CYB5R4: variants seen among roughly 807,000 people sequenced by gnomAD.
CYB5R4 encodes the protein N-terminal cytochrome b5 and cytochrome b5 oxidoreductase domain-containing protein.
In CYB5R4, 55 loss-of-function variants were observed where a neutral mutation model predicts 70.2. The ratio of observed to expected loss-of-function variants is 0.78; its 90% confidence interval spans 0.63 to 0.98. CYB5R4 has a LOEUF of 0.98. Ranked by LOEUF, CYB5R4 falls within the 50% of genes least tolerant of loss-of-function variation. The probability of loss-of-function intolerance (pLI) is 0.00; values close to 1 mark genes in which losing one functional copy is unlikely to be tolerated. For missense variants in CYB5R4, 562 were observed against 612.6 expected, an observed-to-expected ratio of 0.92 and a Z score of 0.87; for synonymous variants, 197 against 199.5, an observed-to-expected ratio of 0.99 and a Z score of 0.11.
At chr6:83,881,457 A>G (rs528431006) in intron 2 of CYB5R4, among the ~76,000 whole-genome samples, 1 of 152,332 alleles carries the variant, frequency 6.6e-6, no homozygotes, top group Admixed American at 6.5e-5. Flanking sequence ...ATTACCAGGC[A>G]TGAGCCACAA....
intron 4 of CYB5R4, among the ~76,000 whole-genome samples, chr6:83,911,581 A>C (rs574099099): frequency 5.3e-5 from 8 of 152,042 alleles, no homozygotes; most frequent in African/African-American, 1.9e-4. Flanking sequence ...TTTTTCCTAG[A>C]ATGCTTTTCT....
At chr6:83,873,110 T>C (rs559277378) in intron 2 of CYB5R4, among the ~76,000 whole-genome samples, 11 of 152,334 alleles carry the variant, frequency 7.2e-5, no homozygotes, top group African/African-American at 2.4e-4. Flanking sequence ...TTAGCATTTG[T>C]GTGTGTTTCT....
At chr6:83,954,664 CTAG>C (rs1484630704) in intron 14 of CYB5R4, among the ~76,000 whole-genome samples, 1 of 151,936 alleles carries the variant, frequency 6.6e-6, no homozygotes, top group Non-Finnish European at 1.5e-5. Flanking sequence ...TTTTTCAATA[CTAG>C]TAGATTATTA....
intron 3 of CYB5R4, among the ~76,000 whole-genome samples, chr6:83,904,561 A>G (rs2099463480): frequency 6.6e-6 from 1 of 152,236 alleles, no homozygotes; most frequent in Non-Finnish European, 1.5e-5. Flanking sequence ...TCTGAAGTCC[A>G]GTTTAAATCC....
At chr6:83,875,113 G>C (rs2099458319) in intron 2 of CYB5R4, among the ~76,000 whole-genome samples, 1 of 152,084 alleles carries the variant, frequency 6.6e-6, no homozygotes, top group South Asian at 2.1e-4. Context: ...GAGCCACTGT[G>C]CCCGGCCGTC....
intron 14 of CYB5R4, among the ~76,000 whole-genome samples, chr6:83,945,295 A>T (rs2099470397): frequency 6.6e-6 from 1 of 152,268 alleles, no homozygotes; most frequent in Non-Finnish European, 1.5e-5. Flanking sequence ...CTACGTGGAA[A>T]CTGAACAACC....
At chr6:83,910,517 G>A (rs1028304164) in intron 4 of CYB5R4, among the ~76,000 whole-genome samples, 2 of 152,180 alleles carry the variant, frequency 1.3e-5, no homozygotes, top group African/African-American at 4.8e-5. Flanking sequence ...AAAATGGGAG[G>A]TAGAAGTAAG....
intron 1 of CYB5R4, among the ~76,000 whole-genome samples, chr6:83,861,854 G>T (rs887785940): frequency 6.6e-6 from 1 of 152,102 alleles, no homozygotes; most frequent in African/African-American, 2.4e-5. Context: ...GAAGTATTTT[G>T]GTCTTTATTT....
At chr6:83,884,788 G>T (rs1393039526) in intron 2 of CYB5R4, among the ~76,000 whole-genome samples, 1 of 152,124 alleles carries the variant, frequency 6.6e-6, no homozygotes, top group Non-Finnish European at 1.5e-5. Flanking sequence ...ATAATTGCAA[G>T]AATGCTACAG....
chr6:83,870,495 A>C (rs1193327710), intron 2 of CYB5R4, among the ~76,000 whole-genome samples: 3 of 150,474 alleles, frequency 2.0e-5, no homozygotes, highest in Non-Finnish European at 4.4e-5. Context: ...TTCTGTTTTC[A>C]GAAACTGCAG....
In CYB5R4 at chr6:83,924,700, T is replaced by C. The variant is rs1027460835; in HGVS notation, c.814+108T>C. ...TGCTTTGAAATGAGCTGAAGGGTCC[T>C]TGTATCTACTGCTAGGAAGTTTGAA... On this transcript the variant is annotated intron_variant, in intron 10 of 15. Transcript: ENST00000369681. The C allele has an allele frequency of 8.0e-6, 9 of 1,131,602 alleles. No individual in the cohort carries two copies. In the African/African-American group the frequency reaches 1.4e-4, roughly 18 times the overall value. The allele number at this position is 1,131,602 out of a possible 1,614,324, so 70.1% of individuals were successfully genotyped here.
chr6:83,885,522 A>G lies in CYB5R4; in HGVS notation c.230-8000A>G, dbSNP rs2099460115. On this transcript the variant is annotated intron_variant, in intron 2 of 15. Coordinates refer to ENST00000369681, the MANE Select transcript of CYB5R4 (RefSeq NM_016230.4). ...TGGTGAGCCGTTATGGTTCACATGTATGGTTACCTAACCTGAAAATTTGTG... is the reference window on the plus strand; with the variant it reads ...TGGTGAGCCGTTATGGTTCACATGTGTGGTTACCTAACCTGAAAATTTGTG... Among the ~76,000 whole-genome samples, 2 of 152,220 alleles carry G rather than the reference A, an allele frequency of 1.3e-5. 1 individual carries two copies. Among genetic ancestry groups the G allele is most frequent in the South Asian group, 4.1e-4 (2 of 4,830 alleles).
At chr6:83,919,699 T>A (rs1036639196) in intron 7 of CYB5R4, among the ~76,000 whole-genome samples, 4 of 152,040 alleles carry the variant, frequency 2.6e-5, no homozygotes, top group Non-Finnish European at 5.9e-5. Context: ...GAACATCTGC[T>A]CTTAACAGCC....
At chr6:83,885,366 T>A (rs1485845012) in intron 2 of CYB5R4, among the ~76,000 whole-genome samples, 1 of 152,210 alleles carries the variant, frequency 6.6e-6, no homozygotes, top group Admixed American at 6.5e-5. Context: ...AAAAAGGTCT[T>A]AAGCTCCCTC....
At chr6:83,879,910 C>G (rs2099459189) in intron 2 of CYB5R4, among the ~76,000 whole-genome samples, 1 of 152,118 alleles carries the variant, frequency 6.6e-6, no homozygotes. Flanking sequence ...TCTGCTGAAG[C>G]TGAAGGGGTT....
At position 83,965,335 on chromosome 6, in the gene CYB5R4, C is replaced by T. The variant is rs1251193509; in HGVS notation, c.*5457C>T. On this transcript the variant is annotated 3_prime_UTR_variant, in exon 16 of 16. Transcript: ENST00000369681. ...TGCCCAAGACCATGGGAAGCCACCT[C>T]TTGCATCAGCGTGACCTGGATGTGA... 2 of 152,288 alleles carry T rather than the reference C, an allele frequency of 1.3e-5. No homozygotes were observed. The highest frequency in any genetic ancestry group is 3.9e-4 in the East Asian group (2 of 5,194). The allele number at this position is 152,288 out of a possible 1,614,324, so 9.4% of individuals were successfully genotyped here.
chr6:83,861,807 T>C (rs2099455982), intron 1 of CYB5R4, among the ~76,000 whole-genome samples: 1 of 152,258 alleles, frequency 6.6e-6, no homozygotes, highest in Admixed American at 6.5e-5. Flanking sequence ...TTCTTAAATG[T>C]ATATATAGCT....
At chr6:83,921,936 T>C (rs1224800983) in intron 8 of CYB5R4, among the ~76,000 whole-genome samples, 1 of 152,224 alleles carries the variant, frequency 6.6e-6, no homozygotes, top group East Asian at 1.9e-4. Flanking sequence ...GTTGTGTCCA[T>C]AATACCTAGA....
chr6:83,957,334 A>G (rs2099472572), intron 15 of CYB5R4, among the ~76,000 whole-genome samples: 1 of 152,164 alleles, frequency 6.6e-6, no homozygotes, highest in Admixed American at 6.5e-5. Flanking sequence ...ATACTTTTAA[A>G]TAATTAGAAT....
Sources: allele counts gnomAD v4.1 joint callset (sites outside exome capture counted in the v4.1 genomes callset), GRCh38; gene constraint gnomAD v4.1.1; transcripts MANE v1.5; gene names NCBI Gene and HGNC (gene_info 2026-07-23, HGNC 2026-07-21).